Variants in ABCC5 observed in about 807,000 individuals in gnomAD.
The protein encoded by ABCC5 is ATP binding cassette subfamily C member 5.
Under a neutral mutation model 160.9 loss-of-function variants are expected in ABCC5, and 61 were observed. The ratio of observed to expected loss-of-function variants is 0.38; its 90% CI spans 0.31 to 0.47. The LOEUF (loss-of-function observed/expected upper bound fraction) is 0.47. ABCC5 is among the 20% of genes least tolerant of loss of function. ABCC5 has a pLI of 0.99. For synonymous variants in ABCC5, 666 were observed against 700.6 expected (o/e 0.95, Z 0.78); for missense variants, 1,308 against 1,813.3 (o/e 0.72, Z 5.06).
intron 2 of ABCC5, among the ~76,000 whole-genome samples, chr3:183,999,976 G>C (rs1720611640): frequency 6.6e-6 from 1 of 152,030 alleles, no homozygotes; most frequent in South Asian, 2.1e-4. Flanking sequence ...AAGCAGAAAT[G>C]TATCAAAGGG....
intron 11 of ABCC5, among the ~76,000 whole-genome samples, chr3:183,969,433 C>T (rs1284101270): frequency 6.6e-6 from 1 of 152,194 alleles, no homozygotes; most frequent in Non-Finnish European, 1.5e-5. Context: ...CAGCTCACGC[C>T]TATAATCCCC....
At chr3:183,989,845 C>T (rs1333196179) in intron 2 of ABCC5, among the ~76,000 whole-genome samples, 1 of 152,154 alleles carries the variant, frequency 6.6e-6, no homozygotes, top group African/African-American at 2.4e-5. Flanking sequence ...CCCTCTGTCA[C>T]CCAGGCTGGA....
intron 25 of ABCC5, chr3:183,942,522 T>G: frequency 2.8e-6 from 2 of 710,790 alleles, no homozygotes; most frequent in South Asian, 1.5e-5. Context: ...TGTTCTGCAT[T>G]GAGAATGTGC....
chr3:183,956,383 A>T (rs563060055), intron 17 of ABCC5, among the ~76,000 whole-genome samples: 66 of 112,654 alleles, frequency 5.9e-4, no homozygotes, highest in Middle Eastern at 7.4e-3. Context: ...TCCGTGTGTA[A>T]ATCACATAGG....
rs112403322 is a variant in ABCC5 at position 183,987,440 on chromosome 3, C to G, written c.591+330G>C. Reference sequence around the variant, plus strand: ...GGGCCACACAACGTGCTCTCACCCACTCATAGCACTGCAAGACACATCTGC... The same window carrying G: ...GGGCCACACAACGTGCTCTCACCCAGTCATAGCACTGCAAGACACATCTGC... On this transcript the variant is annotated intron_variant, in intron 5 of 29. Coordinates refer to ENST00000334444, the MANE Select transcript of ABCC5 (RefSeq NM_005688.4). The surrounding 1 kb of genome is among the most constrained non-coding windows in gnomAD (Gnocchi z 4.2). The G allele has an allele frequency of 2.1e-3, 1,236 of 581,014 alleles. 14 individuals are homozygous for G. The highest frequency in any genetic ancestry group is 0.021 in the African/African-American group (1,115 of 53,720). 36.0% of individuals were successfully genotyped at this position (581,014 alleles called of 1,614,324 possible). A position where few individuals can be genotyped will look rare whatever the true frequency, so the allele number is the denominator to read the frequency against.
chr3:183,995,642 C>T (rs1033356592), intron 2 of ABCC5, among the ~76,000 whole-genome samples: 3 of 152,160 alleles, frequency 2.0e-5, no homozygotes, highest in Non-Finnish European at 4.4e-5. Context: ...TATTTGTCTA[C>T]CCCTACATTG....
At chr3:183,946,104 C>T (rs1044507773) in intron 23 of ABCC5, among the ~76,000 whole-genome samples, 165 bp from the exon 24 acceptor site, 1 of 152,160 alleles carries the variant, frequency 6.6e-6, no homozygotes, top group Admixed American at 6.6e-5. Context: ...TACCTGTTAC[C>T]CCATCAACTG....
chr3:183,956,561 C>T (rs1716006072), intron 17 of ABCC5, among the ~76,000 whole-genome samples: 1 of 149,870 alleles, frequency 6.7e-6, no homozygotes, highest in African/African-American at 2.5e-5. Context: ...CGGTTACATG[C>T]AGATCAGTGT....
chr3:183,961,866 G>A (rs537171043), intron 15 of ABCC5, among the ~76,000 whole-genome samples: 6 of 152,154 alleles, frequency 3.9e-5, no homozygotes, highest in South Asian at 2.1e-4. Context: ...TGCAATCTCC[G>A]CCTCCTGGGT....
intron 15 of ABCC5, among the ~76,000 whole-genome samples, chr3:183,961,985 C>T (rs1245366414): frequency 6.6e-6 from 1 of 152,144 alleles, no homozygotes; most frequent in South Asian, 2.1e-4. Context: ...TTTTGCCGTA[C>T]AGGTAATCCG....
At chr3:183,976,022 G>A (rs1391325776) in intron 10 of ABCC5, among the ~76,000 whole-genome samples, 1 of 151,614 alleles carries the variant, frequency 6.6e-6, no homozygotes, top group East Asian at 1.9e-4. Flanking sequence ...TTTCATCCAC[G>A]ACTGGTTATT....
intron 2 of ABCC5, among the ~76,000 whole-genome samples, chr3:183,998,603 G>A (rs771933727): frequency 2.6e-5 from 4 of 152,060 alleles, no homozygotes; most frequent in Non-Finnish European, 5.9e-5. Context: ...GCACACCGAT[G>A]TTAGGTCACA....
At chr3:183,969,375 C>T (rs1717525984) in intron 11 of ABCC5, among the ~76,000 whole-genome samples, 1 of 152,126 alleles carries the variant, frequency 6.6e-6, no homozygotes, top group Admixed American at 6.5e-5. Flanking sequence ...CTAATAGTTA[C>T]TAAATAAAAA....
intron 2 of ABCC5, among the ~76,000 whole-genome samples, chr3:183,997,276 G>C (rs958639860): frequency 1.3e-5 from 2 of 152,138 alleles, no homozygotes; most frequent in African/African-American, 4.8e-5. Context: ...GATAGATACA[G>C]ATTTAAGTTT....
At position 183,949,643 on chromosome 3, in the gene ABCC5, G is replaced by A. The variant is rs1715159997; in HGVS notation, c.3227+110C>T. 2 of 1,336,526 alleles carry A rather than the reference G, an allele frequency of 1.5e-6. No homozygotes were observed. The highest frequency in any genetic ancestry group is 4.7e-5 in the East Asian group (2 of 42,798). The allele number at this position is 1,336,526 out of a possible 1,614,324, so 82.8% of individuals were successfully genotyped here. ...TTCCATTAAATCATGAATACCCTTGGTAATGAGGTTTATAATCCCCATCTC... is the reference window on the plus strand; with the variant it reads ...TTCCATTAAATCATGAATACCCTTGATAATGAGGTTTATAATCCCCATCTC... On this transcript the variant is annotated intron_variant, in intron 22 of 29. Transcript: ENST00000334444. The surrounding 1 kb of genome is among the most constrained non-coding windows in gnomAD (Gnocchi z 4.2).
rs1715547623 is a variant in ABCC5 at position 183,953,191 on chromosome 3, C to T, written c.2562G>A (p.Gly854=). 6.2e-7 allele frequency: 1 copy of T among 1,614,024 alleles called. No individual in the cohort carries two copies. Among genetic ancestry groups the T allele is most frequent in the African/African-American group, 1.3e-5 (1 of 74,900 alleles). Residue 854 remains glycine (G), a synonymous_variant, in exon 18 of 30, where the codon GGG becomes GGA. Transcript: ENST00000334444. ...TAATAACCAGGAATGCCAAGGGGCCCCCAGCAGCCTGGATGTAGACACCAT... is the reference window on the plus strand; with the variant it reads ...TAATAACCAGGAATGCCAAGGGGCCTCCAGCAGCCTGGATGTAGACACCAT... ...SVYGVYIQAA[G]GPLAFLVIMA...
chr3:183,945,994 C>T, intron 23 of ABCC5, 55 bp from the exon 24 acceptor site: 1 of 1,514,354 alleles, frequency 6.6e-7, no homozygotes, highest in South Asian at 1.1e-5. Flanking sequence ...ACACGCCAGG[C>T]CAATGCTGGA....
At chr3:183,980,000 T>G (rs1047130660) in intron 8 of ABCC5, among the ~76,000 whole-genome samples, 2 of 152,058 alleles carry the variant, frequency 1.3e-5, no homozygotes, top group African/African-American at 4.8e-5. Flanking sequence ...CTCGGCCTCT[T>G]GAGTAGCTAG....
chr3:183,976,503 C>T (rs1185694497), intron 10 of ABCC5, among the ~76,000 whole-genome samples: 2 of 152,128 alleles, frequency 1.3e-5, no homozygotes, highest in Non-Finnish European at 2.9e-5. Context: ...GAGCCACCTG[C>T]CTCAGCCTCC....
Sources: allele counts gnomAD v4.1 joint callset (sites outside exome capture counted in the v4.1 genomes callset), GRCh38; gene constraint gnomAD v4.1.1; non-coding constraint Gnocchi (gnomAD v3.1); transcripts MANE v1.5; gene names NCBI Gene and HGNC (gene_info 2026-07-23, HGNC 2026-07-21).